Variants in WDR70 observed in about 807,000 individuals in gnomAD.
WDR70 encodes the protein WD repeat-containing protein 70.
Under a neutral mutation model 88.6 loss-of-function variants are expected in WDR70, and 53 were observed. The observed-to-expected ratio is 0.60, with a 90% CI of 0.48 to 0.75. The LOEUF is 0.75. WDR70 is among the 30% of genes least tolerant of loss of function. The probability of loss-of-function intolerance (pLI) is 0.00; values close to 1 mark genes in which losing one functional copy is unlikely to be tolerated. For missense variants in WDR70, 610 were observed against 823.2 expected, an observed-to-expected ratio of 0.74 and a Z score of 3.17; for synonymous variants, 280 against 270.0, an observed-to-expected ratio of 1.04 and a Z score of -0.36.
At position 37,462,982 on chromosome 5, in the gene WDR70, A is replaced by G. The variant is rs577473021; in HGVS notation, c.687-16852A>G. Among the ~76,000 whole-genome samples, 268 of 152,212 alleles carry G rather than the reference A, an allele frequency of 1.8e-3. 2 individuals carry two copies. The highest frequency in any genetic ancestry group is 6.1e-3 in the African/African-American group (252 of 41,534). Reference sequence around the variant, plus strand: ...TTGTCTCCTCATTTTCCATGAAATAAGGAGACTAAGGCCAGGCGTGGTGGC... The same window carrying G: ...TTGTCTCCTCATTTTCCATGAAATAGGGAGACTAAGGCCAGGCGTGGTGGC... On this transcript the variant is annotated intron_variant, in intron 7 of 17. Coordinates refer to ENST00000265107, the MANE Select transcript of WDR70 (RefSeq NM_018034.4).
intron 17 of WDR70, among the ~76,000 whole-genome samples, chr5:37,731,653 ACAGT>A (rs964904946): frequency 1.3e-5 from 2 of 152,082 alleles, no homozygotes; most frequent in African/African-American, 4.8e-5. Context: ...TGTCAAGAAA[ACAGT>A]CATAGTTTAA....
At chr5:37,443,150 G>A (rs1010376687) in intron 6 of WDR70, 89 bp from the exon 7 acceptor site, 16 of 1,404,338 alleles carry the variant, frequency 1.1e-5, no homozygotes, top group Middle Eastern at 2.6e-4. Flanking sequence ...TATAACATAG[G>A]GGGTGGGATT....
intron 8 of WDR70, chr5:37,506,647 T>C: frequency 1.3e-6 from 1 of 779,878 alleles, no homozygotes; most frequent in Non-Finnish European, 2.4e-6. Flanking sequence ...TGAAGATCAA[T>C]AAATGGCTCT....
intron 10 of WDR70, among the ~76,000 whole-genome samples, chr5:37,691,875 TAGAGA>T: frequency 6.6e-6 from 1 of 151,716 alleles, no homozygotes; most frequent in Non-Finnish European, 1.5e-5. Flanking sequence ...CTGAAGGAAA[TAGAGA>T]CACAAAAAAC....
chr5:37,456,549 C>T (rs1474960247), intron 7 of WDR70, among the ~76,000 whole-genome samples: 3 of 151,956 alleles, frequency 2.0e-5, no homozygotes, highest in African/African-American at 7.3e-5. Context: ...CAAAAAAATT[C>T]CACTTTTGTA....
chr5:37,628,112 C>T (rs1744716336), intron 10 of WDR70, among the ~76,000 whole-genome samples: 1 of 152,154 alleles, frequency 6.6e-6, no homozygotes, highest in African/African-American at 2.4e-5. Flanking sequence ...TTTGTAGAGA[C>T]AGAGTTTCAC....
chr5:37,586,681 C>T (rs1024062884), intron 9 of WDR70, among the ~76,000 whole-genome samples: 7 of 151,820 alleles, frequency 4.6e-5, no homozygotes, highest in Non-Finnish European at 7.4e-5. Flanking sequence ...TAAAAGCATT[C>T]TCTTTTGGCT....
intron 8 of WDR70, chr5:37,505,928 C>A: frequency 7.0e-7 from 1 of 1,429,620 alleles, no homozygotes; most frequent in South Asian, 1.1e-5. Context: ...CCACACCTTT[C>A]AGATTAGCAC....
intron 9 of WDR70, among the ~76,000 whole-genome samples, chr5:37,530,922 G>A (rs1465847057): frequency 1.3e-5 from 2 of 152,038 alleles, no homozygotes; most frequent in East Asian, 3.9e-4. Context: ...ACTTTCTGAT[G>A]TAGGCATTTA....
At chr5:37,653,510 G>A (rs6864924) in intron 10 of WDR70, among the ~76,000 whole-genome samples, 87,110 of 151,926 alleles carry the variant, frequency 0.57, 25,162 homozygotes, top group African/African-American at 0.61. Flanking sequence ...TTTCAGAAGG[G>A]ATGGTACCAG....
At chr5:37,630,738 A>C (rs891952569) in intron 10 of WDR70, among the ~76,000 whole-genome samples, 2 of 152,178 alleles carry the variant, frequency 1.3e-5, no homozygotes, top group African/African-American at 4.8e-5. Context: ...TGGCATAATC[A>C]ATATGAAACC....
intron 9 of WDR70, among the ~76,000 whole-genome samples, chr5:37,578,599 A>G (rs928961238): frequency 3.9e-5 from 6 of 152,160 alleles, no homozygotes; most frequent in Non-Finnish European, 8.8e-5. Context: ...CATTTTTCTT[A>G]TTTAATGATT....
At chr5:37,589,103 G>C (rs1182382183) in intron 9 of WDR70, among the ~76,000 whole-genome samples, 1 of 151,752 alleles carries the variant, frequency 6.6e-6, no homozygotes, top group African/African-American at 2.4e-5. Context: ...ATATTGTTCA[G>C]GCTGGTCTAG....
chr5:37,667,744 C>G (rs1271054207), intron 10 of WDR70, among the ~76,000 whole-genome samples: 1 of 149,824 alleles, frequency 6.7e-6, no homozygotes, highest in Non-Finnish European at 1.5e-5. Flanking sequence ...GTATTATAAG[C>G]CCCTTTCTAG....
chr5:37,531,188 C>T lies in WDR70; in HGVS notation c.917+14598C>T, dbSNP rs144416921. On this transcript the variant is annotated intron_variant, in intron 9 of 17. Transcript: ENST00000265107. ...TATAATTTTGATTTTCTTGAATTTACTGAGACTTGTTTTGTGGCATATCAT... is the reference window on the plus strand; with the variant it reads ...TATAATTTTGATTTTCTTGAATTTATTGAGACTTGTTTTGTGGCATATCAT... Among the ~76,000 whole-genome samples the T allele has an allele frequency of 5.1e-3, 782 of 152,196 alleles. 3 individuals carry two copies. The highest frequency in any genetic ancestry group is 7.0e-3 in the Non-Finnish European group (473 of 67,974).
At chr5:37,495,132 A>T (rs1042916787) in intron 8 of WDR70, among the ~76,000 whole-genome samples, 1 of 152,232 alleles carries the variant, frequency 6.6e-6, no homozygotes, top group Non-Finnish European at 1.5e-5. Flanking sequence ...AGCTGTGAGT[A>T]TTCTCCCCAG....
chr5:37,466,625 G>A (rs1259705586), intron 7 of WDR70, among the ~76,000 whole-genome samples: 1 of 146,218 alleles, frequency 6.8e-6, no homozygotes, highest in Non-Finnish European at 1.5e-5. Context: ...AGAATGGCGT[G>A]AACCTGGGAG....
chr5:37,544,107 A>T (rs192791819), intron 9 of WDR70, among the ~76,000 whole-genome samples: 80 of 152,230 alleles, frequency 5.3e-4, no homozygotes, highest in African/African-American at 1.8e-3. Flanking sequence ...TTTTCAGTGT[A>T]TTTTAAGTTT....
chr5:37,563,169 C>T (rs1742578906), intron 9 of WDR70, among the ~76,000 whole-genome samples: 2 of 61,524 alleles, frequency 3.3e-5, no homozygotes, highest in African/African-American at 9.3e-5. Flanking sequence ...GCTGGCTGGG[C>T]GGGGGGCTGA....
Sources: gnomAD v4.1 joint callset for allele counts (sites outside exome capture counted in the v4.1 genomes callset) on GRCh38, gnomAD v4.1.1 for gene constraint, MANE v1.5 for transcripts, NCBI Gene and HGNC (gene_info 2026-07-23, HGNC 2026-07-21) for gene names.